The following CLSTN2 variants were observed in gnomAD, a reference collection of about 807,000 sequenced individuals.
CLSTN2 encodes calsyntenin-2.
In CLSTN2, 48 loss-of-function variants were observed where a neutral mutation model predicts 101.2. The ratio of observed to expected loss-of-function variants is 0.47; its 90% CI spans 0.38 to 0.60. The LOEUF is 0.60. Ranked by LOEUF, CLSTN2 falls within the 20% of genes least tolerant of loss-of-function variation. The pLI is 0.00. For missense variants in CLSTN2, 1,160 were observed against 1,238.2 expected, an observed-to-expected ratio of 0.94 and a Z score of 0.95; for synonymous variants, 481 against 463.6, an observed-to-expected ratio of 1.04 and a Z score of -0.48.
chr3:140,413,394 TC>T (rs2088388518), intron 4 of CLSTN2, among the ~76,000 whole-genome samples: 1 of 152,106 alleles, frequency 6.6e-6, no homozygotes, highest in Non-Finnish European at 1.5e-5. Flanking sequence ...AAGACTGAAT[TC>T]ATAATAATAG....
Position 140,128,956 on chromosome 3 carries a change from T to A in CLSTN2, c.110-46995T>A, listed in dbSNP as rs367974704. On this transcript the variant is annotated intron_variant, in intron 1 of 16. Transcript: ENST00000458420. ...TCATCAGAGATGCAGACATGGTGCATACTTACATTCTCAGTGGGGTAGAGT... is the reference window on the plus strand; with the variant it reads ...TCATCAGAGATGCAGACATGGTGCAAACTTACATTCTCAGTGGGGTAGAGT... Among the ~76,000 whole-genome samples the A allele has an allele frequency of 1.0e-3, 157 of 152,238 alleles. 3 individuals are homozygous for A. The South Asian group carries it at 0.032, about 31-fold the overall frequency.
chr3:140,033,645 A>G (rs1168468488), intron 1 of CLSTN2, among the ~76,000 whole-genome samples: 1 of 152,222 alleles, frequency 6.6e-6, no homozygotes, highest in Admixed American at 6.5e-5. Flanking sequence ...GACCTATTCA[A>G]TAGACTGAAA....
At chr3:140,432,558 G>C (rs973049090) in intron 5 of CLSTN2, among the ~76,000 whole-genome samples, 3 of 152,172 alleles carry the variant, frequency 2.0e-5, no homozygotes, top group South Asian at 2.1e-4. Context: ...CCTCGTGGGG[G>C]CACTTCTCCG....
intron 2 of CLSTN2, among the ~76,000 whole-genome samples, chr3:140,354,550 C>A (rs2087643668): frequency 6.6e-6 from 1 of 152,164 alleles, no homozygotes; most frequent in African/African-American, 2.4e-5. Context: ...CTGTCTTTTA[C>A]AAAATCCTCC....
chr3:140,438,975 T>C (rs1048747541), intron 5 of CLSTN2, among the ~76,000 whole-genome samples: 1 of 152,202 alleles, frequency 6.6e-6, no homozygotes, highest in Non-Finnish European at 1.5e-5. Flanking sequence ...TCTTCAAGTT[T>C]GGCTGCTGAC....
intron 2 of CLSTN2, among the ~76,000 whole-genome samples, chr3:140,299,866 C>G (rs2087042045): frequency 6.6e-6 from 1 of 152,202 alleles, no homozygotes; most frequent in African/African-American, 2.4e-5. Flanking sequence ...GTTACACAGA[C>G]TTGCACGTTG....
At chr3:140,470,321 C>T (rs1055195915) in intron 8 of CLSTN2, among the ~76,000 whole-genome samples, 1 of 152,220 alleles carries the variant, frequency 6.6e-6, no homozygotes, top group Non-Finnish European at 1.5e-5. Flanking sequence ...ATGTGATAGG[C>T]ACGGTGGGCT....
intron 1 of CLSTN2, among the ~76,000 whole-genome samples, chr3:139,975,724 G>A (rs924854634): frequency 6.6e-6 from 1 of 152,182 alleles, no homozygotes; most frequent in African/African-American, 2.4e-5. Flanking sequence ...CACATAGTGG[G>A]ACGCAGGGGG....
Position 139,962,348 on chromosome 3 carries a change from C to T in CLSTN2, c.109+26865C>T, listed in dbSNP as rs74560343. On this transcript the variant is annotated intron_variant, in intron 1 of 16. Transcript: ENST00000458420. ...ATAACTTTTGACGTATGTATATACC[C>T]ATCAAGACATCATCACAACCAAGAT... 1.9e-4 allele frequency among the ~76,000 whole-genome samples: 29 copies of T among 152,156 alleles called. No homozygotes were observed. The East Asian group carries it at 5.6e-3, about 29-fold the overall frequency.
intron 2 of CLSTN2, among the ~76,000 whole-genome samples, chr3:140,247,709 G>A (rs532046922): frequency 2.1e-4 from 32 of 152,276 alleles, no homozygotes; most frequent in African/African-American, 7.0e-4. Context: ...TGAGGGCAGT[G>A]TGGGGGGCTC....
chr3:140,149,399 C>A (rs1560109647), intron 1 of CLSTN2, among the ~76,000 whole-genome samples: 1 of 152,144 alleles, frequency 6.6e-6, no homozygotes, highest in Non-Finnish European at 1.5e-5. Context: ...TTCCTCTTCA[C>A]CCATGAGTAG....
At chr3:140,166,578 C>T (rs1246937404) in intron 1 of CLSTN2, among the ~76,000 whole-genome samples, 1 of 152,176 alleles carries the variant, frequency 6.6e-6, no homozygotes, top group Non-Finnish European at 1.5e-5. Context: ...GCCGCTTGGC[C>T]CTGCTGCTTG....
chr3:140,051,476 G>A (rs570538396), intron 1 of CLSTN2, among the ~76,000 whole-genome samples: 9 of 152,162 alleles, frequency 5.9e-5, no homozygotes, highest in East Asian at 3.9e-4. Context: ...TTCTTACCCC[G>A]CCTGCACCCT....
At chr3:140,047,823 G>T (rs1207079903) in intron 1 of CLSTN2, among the ~76,000 whole-genome samples, 1 of 152,196 alleles carries the variant, frequency 6.6e-6, no homozygotes, top group African/African-American at 2.4e-5. Flanking sequence ...TATGAATTGG[G>T]CTCTGCCCTT....
In CLSTN2 at chr3:140,171,752, GTATAATATATAATATATAATATGTATTA is replaced by G. The variant is rs1366274813; in HGVS notation, c.110-4166_110-4139del. Among the ~76,000 whole-genome samples, 9 of 94,516 alleles carry G rather than the reference GTATAATATATAATATATAATATGTATTA, an allele frequency of 9.5e-5. No homozygotes were observed. In the South Asian group the frequency reaches 1.0e-3, roughly 11 times the overall value. The allele number at this position is 94,516 out of a possible 152,430, so 62.0% of individuals were successfully genotyped here. A position where few individuals can be genotyped will look rare whatever the true frequency, so the allele number is the denominator to read the frequency against. ...TATATAATATATTAATATATAATAT[GTATAATATATAATATATAATATGTATTA>G]TATAATATATAATATATAATATGTA... On this transcript the variant is annotated intron_variant, in intron 1 of 16. Transcript: ENST00000458420.
intron 8 of CLSTN2, among the ~76,000 whole-genome samples, chr3:140,491,778 C>T (rs988267322): frequency 1.6e-4 from 25 of 152,152 alleles, no homozygotes; most frequent in Admixed American, 1.3e-4. Flanking sequence ...GCCGAAATTG[C>T]ACCACTGCAC....
chr3:140,081,166 T>A (rs992493567), intron 1 of CLSTN2, among the ~76,000 whole-genome samples: 1 of 152,192 alleles, frequency 6.6e-6, no homozygotes, highest in African/African-American at 2.4e-5. Context: ...AAAACAGATA[T>A]TCACGGGGGA....
intron 2 of CLSTN2, among the ~76,000 whole-genome samples, chr3:140,185,750 C>G (rs2010477072): frequency 6.6e-6 from 1 of 152,126 alleles, no homozygotes; most frequent in South Asian, 2.1e-4. Flanking sequence ...CCATAACATG[C>G]TCAAACTGCA....
intron 8 of CLSTN2, among the ~76,000 whole-genome samples, chr3:140,505,223 C>G (rs1576602498): frequency 6.6e-6 from 1 of 152,140 alleles, no homozygotes; most frequent in Non-Finnish European, 1.5e-5. Flanking sequence ...TTTGTCTTTT[C>G]TAGAGCAATG....
Sources: gnomAD v4.1 joint callset for allele counts (sites outside exome capture counted in the v4.1 genomes callset) on GRCh38, gnomAD v4.1.1 for gene constraint, MANE v1.5 for transcripts, NCBI Gene and HGNC (gene_info 2026-07-23, HGNC 2026-07-21) for gene names.